The following KIF13A variants were observed in gnomAD, a reference collection of about 807,000 sequenced individuals.
KIF13A encodes the protein kinesin family member 13A.
In KIF13A, 79 loss-of-function variants were observed where a neutral mutation model predicts 212.2. The observed-to-expected ratio is 0.37, with a 90% CI of 0.31 to 0.45. KIF13A has a LOEUF of 0.45. KIF13A is among the 20% of genes least tolerant of loss of function. KIF13A has a pLI of 1.00. For missense variants in KIF13A, 1,901 were observed against 2,209.0 expected (o/e 0.86, Z 2.79); for synonymous variants, 789 against 808.6 (o/e 0.98, Z 0.41).
At chr6:17,977,974 C>T (rs1003611603) in intron 2 of KIF13A, among the ~76,000 whole-genome samples, 4 of 152,170 alleles carry the variant, frequency 2.6e-5, no homozygotes, top group Non-Finnish European at 5.9e-5. Context: ...AAAAAAGATA[C>T]GATTGCGCTT....
At position 17,892,118 on chromosome 6, in the gene KIF13A, G is replaced by A. The variant is rs964766856; in HGVS notation, c.159+6050C>T. The stretch of plus-strand genomic sequence containing the variant: ...CTTCCAACTCAGCCCACTCTAGAAC[G>A]TAATCAACTTCCCACTGAACCAAAC... On this transcript the variant is annotated intron_variant, in intron 3 of 38. Transcript: ENST00000259711. The surrounding 1 kb of genome is among the most constrained non-coding windows in gnomAD (Gnocchi z 4.7). Among the ~76,000 whole-genome samples, 8 of 152,106 alleles carry A rather than the reference G, an allele frequency of 5.3e-5. No homozygotes were observed. Among genetic ancestry groups the A allele is most frequent in the East Asian group, 3.9e-4 (2 of 5,192 alleles).
chr6:17,773,000 T>C lies in KIF13A; in HGVS notation c.4324+478A>G, dbSNP rs1759631472. On this transcript the variant is annotated intron_variant, in intron 36 of 38. Transcript: ENST00000259711. This position sits in a 1 kb window ranked among gnomAD's most constrained non-coding sequence, Gnocchi z 4.8. ...AGAACCGATATATATGGCCAAAGAA[T>C]ACTGTTCCCATTAAGGCACTGGTAG... Among the ~76,000 whole-genome samples the C allele has an allele frequency of 6.6e-6, 1 of 152,238 alleles. No individual in the cohort carries two copies. The highest frequency in any genetic ancestry group is 1.5e-5 in the Non-Finnish European group (1 of 68,038).
intron 2 of KIF13A, among the ~76,000 whole-genome samples, chr6:17,978,867 T>A (rs1253607753): frequency 6.6e-6 from 1 of 152,182 alleles, no homozygotes; most frequent in Non-Finnish European, 1.5e-5. Flanking sequence ...AGTAGAGGGA[T>A]GATAAACTAG....
rs910465610 is a variant in KIF13A, at chr6:17,892,475, A to G, written c.159+5693T>C. Among the ~76,000 whole-genome samples, 6 of 152,220 alleles carry G rather than the reference A, an allele frequency of 3.9e-5. No homozygotes were observed. The highest frequency in any genetic ancestry group is 1.4e-4 in the African/African-American group (6 of 41,460). ...CAACCCTGACATCAAGGCCTGCCACAGCTGGGTGATACATCACTGTGCAGT... is the reference window on the plus strand; with the variant it reads ...CAACCCTGACATCAAGGCCTGCCACGGCTGGGTGATACATCACTGTGCAGT... On this transcript the variant is annotated intron_variant, in intron 3 of 38. Coordinates refer to ENST00000259711, the MANE Select transcript of KIF13A (RefSeq NM_022113.6). This position sits in a 1 kb window ranked among gnomAD's most constrained non-coding sequence, Gnocchi z 4.7.
Position 17,926,349 on chromosome 6 carries a change from C to G in KIF13A, c.147-28169G>C, listed in dbSNP as rs1775499234. On this transcript the variant is annotated intron_variant, in intron 2 of 38. Coordinates refer to ENST00000259711, the MANE Select transcript of KIF13A (RefSeq NM_022113.6). The surrounding 1 kb of genome is among the most constrained non-coding windows in gnomAD (Gnocchi z 4.3). Reference sequence around the variant, plus strand: ...CTGGGTTCAAGTGATTCTCGTGCCTCAGTCTCCCGAGTAGCTGGGATAACA... The same window carrying G: ...CTGGGTTCAAGTGATTCTCGTGCCTGAGTCTCCCGAGTAGCTGGGATAACA... 2.0e-5 allele frequency among the ~76,000 whole-genome samples: 3 copies of G among 152,172 alleles called. No individual in the cohort carries two copies. Among genetic ancestry groups the G allele is most frequent in the Non-Finnish European group, 4.4e-5 (3 of 68,036 alleles).
chr6:17,907,211 T>C (rs1404971981), intron 2 of KIF13A, among the ~76,000 whole-genome samples: 2 of 152,208 alleles, frequency 1.3e-5, no homozygotes, highest in Non-Finnish European at 2.9e-5. Flanking sequence ...TAAAAAATAC[T>C]GAGGAACAAG....
rs1781378744 is a variant in KIF13A, at chr6:17,984,519, G to T, written c.146+2535C>A. ...ACCTCAGAGATCCTCTGATCTTTTA[G>T]TCCTAGCTACACAGTCTTGGCTTTG... On this transcript the variant is annotated intron_variant, in intron 2 of 38. Transcript: ENST00000259711. This position sits in a 1 kb window ranked among gnomAD's most constrained non-coding sequence, Gnocchi z 5.0. 1 of 984,682 alleles carries T rather than the reference G, an allele frequency of 1.0e-6. No individual in the cohort carries two copies. The highest frequency in any genetic ancestry group is 1.1e-4 in the East Asian group (1 of 8,798). 61.0% of individuals were successfully genotyped at this position (984,682 alleles called of 1,614,324 possible).
At chr6:17,861,486 T>C (rs1768780627) in intron 4 of KIF13A, among the ~76,000 whole-genome samples, 1 of 152,218 alleles carries the variant, frequency 6.6e-6, no homozygotes, top group Non-Finnish European at 1.5e-5. Flanking sequence ...TCTTACATGT[T>C]TACCTCTGTG....
intron 2 of KIF13A, among the ~76,000 whole-genome samples, chr6:17,975,783 C>T (rs1780371327): frequency 6.6e-6 from 1 of 152,150 alleles, no homozygotes; most frequent in African/African-American, 2.4e-5. Context: ...TTCTCCAAGG[C>T]CCCACCAGAG....
At chr6:17,761,261 G>A (rs1758570416), downstream of KIF13A, among the ~76,000 whole-genome samples, 1 of 152,076 alleles carries the variant, frequency 6.6e-6, no homozygotes, top group African/African-American at 2.4e-5. Flanking sequence ...TTAAATTTTT[G>A]TAGAGACAGA....
In KIF13A at chr6:17,960,699, T is replaced by A. The variant is rs146135790; in HGVS notation, c.146+26355A>T. Among the ~76,000 whole-genome samples, 3 of 152,252 alleles carry A rather than the reference T, an allele frequency of 2.0e-5. No homozygotes were observed. The East Asian group carries it at 5.8e-4, about 29-fold the overall frequency. ...CCAAAGGGACCATGGGTTTTAAATG[T>A]TTCAGAAATATTTTTATATGTCATT... On this transcript the variant is annotated intron_variant, in intron 2 of 38. Coordinates refer to ENST00000259711, the MANE Select transcript of KIF13A (RefSeq NM_022113.6).
At position 17,776,448 on chromosome 6, in the gene KIF13A, T is replaced by A. The variant is rs1759990587; in HGVS notation, c.4170+829A>T. Among the ~76,000 whole-genome samples the A allele has an allele frequency of 6.6e-6, 1 of 152,242 alleles. No individual in the cohort carries two copies. The highest frequency in any genetic ancestry group is 2.1e-4 in the South Asian group (1 of 4,832). The stretch of plus-strand genomic sequence containing the variant: ...CCATCATAATTTCTTCTTTGAGAAA[T>A]GAGTTCATGAAAAGCGTTTTTCAAT... On this transcript the variant is annotated intron_variant, in intron 34 of 38. Coordinates refer to ENST00000259711, the MANE Select transcript of KIF13A (RefSeq NM_022113.6). The surrounding 1 kb of genome is among the most constrained non-coding windows in gnomAD (Gnocchi z 4.6).
intron 2 of KIF13A, among the ~76,000 whole-genome samples, chr6:17,959,346 G>C (rs1464735203): frequency 6.6e-6 from 1 of 152,156 alleles, no homozygotes; most frequent in African/African-American, 2.4e-5. Context: ...AAATACATTT[G>C]CAAATTACTC....
chr6:17,819,748 T>C (rs1183354409), intron 16 of KIF13A, among the ~76,000 whole-genome samples: 3 of 152,114 alleles, frequency 2.0e-5, no homozygotes, highest in Non-Finnish European at 4.4e-5. Flanking sequence ...AGAAATATGG[T>C]AAAATTTTTT....
At chr6:17,969,021 T>C (rs190305484) in intron 2 of KIF13A, among the ~76,000 whole-genome samples, 31 of 152,174 alleles carry the variant, frequency 2.0e-4, no homozygotes, top group African/African-American at 6.7e-4. Flanking sequence ...GGTCCACTCA[T>C]CCAGTCTGGG....
In KIF13A at chr6:17,828,192, G is replaced by A; in HGVS notation, c.1532+48C>T. ...CAGAAAGAGGCAGCCTTCTCCTTCT[G>A]AAAATAAGGCACACAAGACACGTGA... On this transcript the variant is annotated intron_variant, in intron 14 of 38. Transcript: ENST00000259711. The surrounding 1 kb of genome is among the most constrained non-coding windows in gnomAD (Gnocchi z 4.3). 3 of 1,571,888 alleles carry A rather than the reference G, an allele frequency of 1.9e-6. No homozygotes were observed. Among genetic ancestry groups the A allele is most frequent in the Non-Finnish European group, 2.6e-6 (3 of 1,155,790 alleles).
In KIF13A at chr6:17,839,796, G is replaced by A. The variant is rs1046396235; in HGVS notation, c.831-2213C>T. Among the ~76,000 whole-genome samples, 7 of 152,140 alleles carry A rather than the reference G, an allele frequency of 4.6e-5. No homozygotes were observed. The highest frequency in any genetic ancestry group is 4.1e-4 in the South Asian group (2 of 4,824). On this transcript the variant is annotated intron_variant, in intron 9 of 38. Coordinates refer to ENST00000259711, the MANE Select transcript of KIF13A (RefSeq NM_022113.6). This position sits in a 1 kb window ranked among gnomAD's most constrained non-coding sequence, Gnocchi z 4.3. ...ATGCATCTACAAGACAGGGAACGCC[G>A]AGGATTGATGGCCCTACAGAAACAA...
At position 17,777,182 on chromosome 6, in the gene KIF13A, A is replaced by G. The variant is rs539732703; in HGVS notation, c.4170+95T>C. 44 of 966,372 alleles carry G rather than the reference A, an allele frequency of 4.6e-5. No homozygotes were observed. The Admixed American group carries it at 7.8e-4, about 17-fold the overall frequency. 59.9% of individuals were successfully genotyped at this position (966,372 alleles called of 1,614,324 possible). A position where few individuals can be genotyped will look rare whatever the true frequency, so the allele number is the denominator to read the frequency against. On this transcript the variant is annotated intron_variant, in intron 34 of 38. Coordinates refer to ENST00000259711, the MANE Select transcript of KIF13A (RefSeq NM_022113.6). The surrounding 1 kb of genome is among the most constrained non-coding windows in gnomAD (Gnocchi z 4.4). ...ACTTTGGGATGCCCACACCAGTTCCATAAGCTCTACTGCCACTGTGTGAAT... is the reference window on the plus strand; with the variant it reads ...ACTTTGGGATGCCCACACCAGTTCCGTAAGCTCTACTGCCACTGTGTGAAT...
intron 2 of KIF13A, among the ~76,000 whole-genome samples, chr6:17,903,312 T>C (rs889114668): frequency 4.6e-5 from 7 of 152,344 alleles, no homozygotes; most frequent in South Asian, 2.1e-4. Flanking sequence ...CCAAACTTAT[T>C]TGATAACAGA....
Sources: allele counts gnomAD v4.1 joint callset (sites outside exome capture counted in the v4.1 genomes callset), GRCh38; gene constraint gnomAD v4.1.1; non-coding constraint Gnocchi (gnomAD v3.1); transcripts MANE v1.5; gene names NCBI Gene and HGNC (gene_info 2026-07-23, HGNC 2026-07-21).